The following SPOPL variants were observed in gnomAD, a reference collection of about 807,000 sequenced individuals.
SPOPL encodes the protein speckle-type POZ protein-like.
A neutral mutation model predicts 53.8 loss-of-function variants in SPOPL; 23 were observed. The observed-to-expected ratio is 0.43, with a 90% CI of 0.31 to 0.61. The LOEUF is 0.61. SPOPL is among the 20% of genes least tolerant of loss of function. SPOPL has a pLI of 0.12. For missense variants in SPOPL, 442 were observed against 466.9 expected (o/e 0.95, Z 0.49); for synonymous variants, 164 against 149.7 (o/e 1.10, Z -0.70).
intron 1 of SPOPL, among the ~76,000 whole-genome samples, chr2:138,514,536 T>C (rs1013168378): frequency 6.6e-6 from 1 of 152,204 alleles, no homozygotes. Context: ...CAATAGTTTA[T>C]TCTCACTGCT....
intron 1 of SPOPL, among the ~76,000 whole-genome samples, chr2:138,506,825 T>C (rs1257637410): frequency 6.6e-6 from 1 of 152,146 alleles, no homozygotes; most frequent in Non-Finnish European, 1.5e-5. Flanking sequence ...AGTTTATAAT[T>C]GATGTCTGGG....
chr2:138,504,969 A>T (rs1684182577), intron 1 of SPOPL, among the ~76,000 whole-genome samples: 1 of 152,212 alleles, frequency 6.6e-6, no homozygotes, highest in African/African-American at 2.4e-5. Context: ...AACTTGAGAA[A>T]CAGATTACTT....
At chr2:138,555,003 A>G (rs1033116654) in intron 5 of SPOPL, among the ~76,000 whole-genome samples, 1 of 152,134 alleles carries the variant, frequency 6.6e-6, no homozygotes, top group African/African-American at 2.4e-5. Context: ...GGAGGCTGAG[A>G]AGTCCAAGAT....
intron 1 of SPOPL, among the ~76,000 whole-genome samples, chr2:138,539,383 C>A (rs2104880724): frequency 1.3e-5 from 2 of 152,238 alleles, no homozygotes; most frequent in East Asian, 3.9e-4. Context: ...AAAAGTGTTC[C>A]TATTTCTCCA....
chr2:138,552,005 CTT>C (rs1685323776), intron 4 of SPOPL, among the ~76,000 whole-genome samples: 1 of 151,900 alleles, frequency 6.6e-6, no homozygotes, highest in Non-Finnish European at 1.5e-5. Context: ...TGTCTAGAGA[CTT>C]AGGAATGATA....
chr2:138,567,372 AG>A (rs1367280218), intron 10 of SPOPL, among the ~76,000 whole-genome samples: 6 of 112,972 alleles, frequency 5.3e-5, no homozygotes, highest in Non-Finnish European at 9.2e-5. Context: ...AGAGCAGTAT[AG>A]TGTGTGTGTG....
chr2:138,521,764 C>T (rs1469920557), intron 1 of SPOPL, among the ~76,000 whole-genome samples: 1 of 152,170 alleles, frequency 6.6e-6, no homozygotes, highest in Non-Finnish European at 1.5e-5. Context: ...TACCTCCTTG[C>T]TTTCAGTGTT....
chr2:138,517,748 A>G (rs1181763467), intron 1 of SPOPL, among the ~76,000 whole-genome samples: 1 of 151,122 alleles, frequency 6.6e-6, no homozygotes, highest in Non-Finnish European at 1.5e-5. Flanking sequence ...CAAAAAAAAA[A>G]AAAAAATCTG....
At position 138,568,098 on chromosome 2, in the gene SPOPL, C is replaced by A. The variant is rs76971653; in HGVS notation, c.1035-838C>A. On this transcript the variant is annotated intron_variant, in intron 10 of 10. Transcript: ENST00000280098. Reference sequence around the variant, plus strand: ...AACAATGAAGAGGGCCTCATATAGTCATATTTGTGTTACCAAGGGAACATT... The same window carrying A: ...AACAATGAAGAGGGCCTCATATAGTAATATTTGTGTTACCAAGGGAACATT... 4.0e-3 allele frequency among the ~76,000 whole-genome samples: 613 copies of A among 152,120 alleles called. 2 individuals carry two copies. The highest frequency in any genetic ancestry group is 0.014 in the African/African-American group (567 of 41,476).
chr2:138,526,588 C>T (rs574071249), intron 1 of SPOPL, among the ~76,000 whole-genome samples: 38 of 151,624 alleles, frequency 2.5e-4, no homozygotes, highest in African/African-American at 8.2e-4. Flanking sequence ...TTTTTTTACT[C>T]GTAAGGGTGT....
rs1038987928 is a variant in SPOPL at position 138,570,594 on chromosome 2, A to G, written c.*1514A>G. ...AGGGCAAGATTTATATTTGACCACA[A>G]GGGAAAAAGTGTGTCACTGGAAAAA... On this transcript the variant is annotated 3_prime_UTR_variant, in exon 11 of 11. Transcript: ENST00000280098. 2 of 152,130 alleles carry G rather than the reference A, an allele frequency of 1.3e-5. No individual in the cohort carries two copies. Among genetic ancestry groups the G allele is most frequent in the African/African-American group, 4.8e-5 (2 of 41,432 alleles). The allele number at this position is 152,130 out of a possible 1,614,324, so 9.4% of individuals were successfully genotyped here.
intron 1 of SPOPL, among the ~76,000 whole-genome samples, chr2:138,532,189 A>G (rs1362779696): frequency 1.3e-5 from 2 of 152,156 alleles, no homozygotes; most frequent in African/African-American, 4.8e-5. Context: ...AGCATTTGGC[A>G]GAAGTCTTAA....
Position 138,559,153 on chromosome 2 carries a change from T to C in SPOPL, c.612T>C (p.Phe204=). 1 of 1,613,824 alleles carries C rather than the reference T, an allele frequency of 6.2e-7. No individual in the cohort carries two copies. The highest frequency in any genetic ancestry group is 1.3e-5 in the African/African-American group (1 of 75,048). ...WENTRFTDCS[F]FVRGQEFKAH... ...ACACAAGATTTACAGACTGCAGTTTTTTCGTGAGAGGACAAGAATTTAAAG... is the reference window on the plus strand; with the variant it reads ...ACACAAGATTTACAGACTGCAGTTTCTTCGTGAGAGGACAAGAATTTAAAG... Residue 204 remains phenylalanine (F), a synonymous_variant, in exon 6 of 11, where the codon TTT becomes TTC. Coordinates refer to ENST00000280098, the MANE Select transcript of SPOPL (RefSeq NM_001001664.3).
intron 1 of SPOPL, among the ~76,000 whole-genome samples, chr2:138,531,691 A>T (rs1385440383): frequency 6.6e-6 from 1 of 152,070 alleles, no homozygotes; most frequent in Non-Finnish European, 1.5e-5. Flanking sequence ...AGTCTATTCA[A>T]CTTATATTAA....
intron 10 of SPOPL, among the ~76,000 whole-genome samples, chr2:138,567,396 TGTGTGTGTGTGTG>T (rs1413389849): frequency 2.1e-5 from 3 of 143,162 alleles, no homozygotes; most frequent in African/African-American, 7.6e-5. Context: ...TGTGTGTGTG[TGTGTGTGTGTGTG>T]TGTGTGTGTG....
intron 1 of SPOPL, among the ~76,000 whole-genome samples, chr2:138,536,908 G>A (rs1360805232): frequency 6.6e-6 from 1 of 152,204 alleles, no homozygotes; most frequent in Non-Finnish European, 1.5e-5. Context: ...CTTTCCCAGT[G>A]TATCTCTACT....
At chr2:138,529,548 G>A (rs867591290) in intron 1 of SPOPL, among the ~76,000 whole-genome samples, 8 of 151,754 alleles carry the variant, frequency 5.3e-5, no homozygotes, top group African/African-American at 1.2e-4. Flanking sequence ...GCGTGCGCGC[G>A]CGCTTCTGCA....
At chr2:138,505,018 C>T (rs1254102358) in intron 1 of SPOPL, among the ~76,000 whole-genome samples, 2 of 152,110 alleles carry the variant, frequency 1.3e-5, no homozygotes, top group Non-Finnish European at 2.9e-5. Flanking sequence ...AGTTTTGCAG[C>T]CAGGCAACAT....
intron 1 of SPOPL, among the ~76,000 whole-genome samples, chr2:138,539,255 G>T (rs1196573296): frequency 1.3e-5 from 2 of 152,198 alleles, no homozygotes; most frequent in Admixed American, 1.3e-4. Flanking sequence ...AATCCTTTGG[G>T]TATATACCCA....
Sources: gnomAD v4.1 joint callset for allele counts (sites outside exome capture counted in the v4.1 genomes callset) on GRCh38, gnomAD v4.1.1 for gene constraint, MANE v1.5 for transcripts, NCBI Gene and HGNC (gene_info 2026-07-23, HGNC 2026-07-21) for gene names.